ZNF18: variants seen among roughly 807,000 people sequenced by gnomAD.
ZNF18 encodes the protein zinc finger protein 18.
ZNF18 carries 42 observed loss-of-function variants against 58.1 expected under a neutral mutation model. That is an observed-to-expected ratio of 0.72 (90% CI 0.56 to 0.93). ZNF18 has a LOEUF of 0.93. Ranked by LOEUF, ZNF18 falls within the 40% of genes least tolerant of loss-of-function variation. ZNF18 has a pLI of 0.00. For missense variants in ZNF18, 540 were observed against 644.2 expected (o/e 0.84, Z 1.75); for synonymous variants, 231 against 239.8 (o/e 0.96, Z 0.34).
At chr17:12,004,156 G>A in the ZNF18 span, among the ~76,000 whole-genome samples, 112 of 151,936 alleles carry the variant, frequency 7.4e-4, 1 homozygote, top group African/African-American at 2.7e-3. Context: ...GCTTGAACCC[G>A]GGAGATGGAC....
At chr17:11,986,504 C>A (rs2151477755) in intron 4 of ZNF18, among the ~76,000 whole-genome samples, 1 of 152,314 alleles carries the variant, frequency 6.6e-6, no homozygotes, top group Non-Finnish European at 1.5e-5. Context: ...TGAAAAGCGA[C>A]CTCAATATAC....
chr17:11,984,001 T>C, intron 5 of ZNF18, 112 bp downstream of exon 5: 1 of 941,496 alleles, frequency 1.1e-6, no homozygotes. Context: ...CCTAACGATT[T>C]CTTTCACCTG....
chr17:12,016,189 C>T, the ZNF18 span, among the ~76,000 whole-genome samples: 1 of 152,152 alleles, frequency 6.6e-6, no homozygotes, highest in African/African-American at 2.4e-5. Flanking sequence ...CAAGTGCTTA[C>T]CCTTGTGTGA....
At chr17:11,980,154 T>G (rs1967245146) in intron 6 of ZNF18, among the ~76,000 whole-genome samples, 2 of 152,212 alleles carry the variant, frequency 1.3e-5, no homozygotes, top group Non-Finnish European at 2.9e-5. Context: ...CTCTCATATG[T>G]GAAATTGGGC....
chr17:11,982,403 A>G (rs1289267244), intron 6 of ZNF18, among the ~76,000 whole-genome samples: 1 of 152,094 alleles, frequency 6.6e-6, no homozygotes, highest in East Asian at 1.9e-4. Flanking sequence ...AAATGATTTC[A>G]CGACTCACTA....
chr17:11,986,821 C>T (rs1179350137), intron 4 of ZNF18, among the ~76,000 whole-genome samples: 1 of 152,176 alleles, frequency 6.6e-6, no homozygotes, highest in African/African-American at 2.4e-5. Context: ...ATTCCATGAA[C>T]ACCAGAACAG....
At chr17:12,006,962 CTG>C in the ZNF18 span, among the ~76,000 whole-genome samples, 1 of 152,174 alleles carries the variant, frequency 6.6e-6, no homozygotes, top group African/African-American at 2.4e-5. Context: ...AATTCTGTGA[CTG>C]TGGCCTCATA....
intron 1 of ZNF18, chr17:11,995,800 C>T (rs1038393045): frequency 4.0e-5 from 6 of 149,176 alleles, no homozygotes; most frequent in Non-Finnish European, 7.4e-5. Context: ...ACATTCATTA[C>T]AAGTGCAAAG....
At chr17:11,992,414 A>C in intron 2 of ZNF18, 29 bp downstream of exon 2, 2 of 1,595,666 alleles carry the variant, frequency 1.3e-6, no homozygotes, top group Non-Finnish European at 1.7e-6. Flanking sequence ...CCTGTGTTTC[A>C]CTCGCAGATC....
chr17:11,990,401 G>C, intron 4 of ZNF18, 61 bp downstream of exon 4: 4 of 1,407,756 alleles, frequency 2.8e-6, no homozygotes, highest in Non-Finnish European at 3.9e-6. Flanking sequence ...AAGAGAAGCA[G>C]GAGGATGAGA....
chr17:12,003,954 C>T, the ZNF18 span, among the ~76,000 whole-genome samples: 4 of 152,164 alleles, frequency 2.6e-5, no homozygotes, highest in African/African-American at 4.8e-5. Flanking sequence ...GGGCCTGGGC[C>T]GGGTGCAGTG....
chr17:12,002,894 G>T, the ZNF18 span, among the ~76,000 whole-genome samples: 2 of 152,148 alleles, frequency 1.3e-5, no homozygotes, highest in Admixed American at 6.5e-5. Context: ...TAAGCTGTGT[G>T]GAAATGGCTT....
chr17:12,019,187 C>T, the ZNF18 span, among the ~76,000 whole-genome samples: 1 of 151,992 alleles, frequency 6.6e-6, no homozygotes. Flanking sequence ...TGGTCACTAA[C>T]TCCTGACCTC....
At chr17:11,978,982 A>G (rs1967173603) in intron 6 of ZNF18, among the ~76,000 whole-genome samples, 1 of 151,374 alleles carries the variant, frequency 6.6e-6, no homozygotes, top group Non-Finnish European at 1.5e-5. Context: ...ATTTTTAAAC[A>G]ACACAGGAGT....
intron 4 of ZNF18, among the ~76,000 whole-genome samples, chr17:11,984,500 T>G (rs1235886097): frequency 7.0e-6 from 1 of 143,504 alleles, no homozygotes; most frequent in Non-Finnish European, 1.5e-5. Flanking sequence ...TTTTCCATAC[T>G]ATTTGTTTTT....
chr17:12,021,037 T>C, the ZNF18 span: 9 of 1,160,468 alleles, frequency 7.8e-6, no homozygotes, highest in Admixed American at 4.4e-5. Context: ...CCCAGCCCCC[T>C]AGCGCGGCAA....
At chr17:12,009,441 CTTT>C in the ZNF18 span, among the ~76,000 whole-genome samples, 5 of 138,428 alleles carry the variant, frequency 3.6e-5, no homozygotes, top group Middle Eastern at 3.8e-3. Context: ...CATTCCCGAG[CTTT>C]TTTTTTTTTT....
chr17:11,988,548 AG>A (rs904831836), intron 4 of ZNF18, among the ~76,000 whole-genome samples: 2 of 152,090 alleles, frequency 1.3e-5, no homozygotes, highest in Admixed American at 1.3e-4. Flanking sequence ...AAAGAATCAG[AG>A]GGAACAATCC....
At chr17:11,986,327 T>G (rs1967741878) in intron 4 of ZNF18, among the ~76,000 whole-genome samples, 1 of 152,168 alleles carries the variant, frequency 6.6e-6, no homozygotes. Context: ...GAAAACGGAC[T>G]AATACACTCT....
Sources: gnomAD v4.1 joint callset for allele counts (sites outside exome capture counted in the v4.1 genomes callset) on GRCh38, gnomAD v4.1.1 for gene constraint, MANE v1.5 for transcripts, NCBI Gene and HGNC (gene_info 2026-07-23, HGNC 2026-07-21) for gene names.